The following SHC2 variants were observed in gnomAD, a reference collection of about 807,000 sequenced individuals.
SHC2 encodes SHC adaptor protein 2.
Under a neutral mutation model 60.6 loss-of-function variants are expected in SHC2, and 62 were observed. The ratio of observed to expected loss-of-function variants is 1.02; its 90% confidence interval spans 0.83 to 1.26. SHC2 has a LOEUF of 1.26. SHC2 is among the 50% of genes most tolerant of loss of function. The pLI, the probability that SHC2 is intolerant of heterozygous loss-of-function variation, is 0.00. For missense variants in SHC2, 873 were observed against 822.2 expected, an observed-to-expected ratio of 1.06 and a Z score of -0.76; for synonymous variants, 375 against 372.4, an observed-to-expected ratio of 1.01 and a Z score of -0.08.
chr19:449,697 G>A (rs533582833), intron 1 of SHC2, among the ~76,000 whole-genome samples: 1 of 152,100 alleles, frequency 6.6e-6, no homozygotes, highest in African/African-American at 2.4e-5. Flanking sequence ...GGAGGCGGAG[G>A]TTGCAATGAG....
intron 2 of SHC2, chr19:439,345 C>T (rs1315802325): frequency 4.5e-6 from 2 of 444,944 alleles, no homozygotes; most frequent in African/African-American, 4.0e-5. Context: ...CTACCACCCT[C>T]TTTCCCAGGG....
At chr19:458,220 G>C (rs1380950373) in intron 1 of SHC2, among the ~76,000 whole-genome samples, 1 of 118,136 alleles carries the variant, frequency 8.5e-6, no homozygotes. Flanking sequence ...GGAGGCAGAC[G>C]CGGGTTCCGG....
At chr19:456,452 C>T (rs1451797567) in intron 1 of SHC2, among the ~76,000 whole-genome samples, 1 of 152,172 alleles carries the variant, frequency 6.6e-6, no homozygotes, top group Non-Finnish European at 1.5e-5. Context: ...CCGTCCCTCG[C>T]AGCCTCCTCC....
rs1974861585 is a variant in SHC2 at position 441,291 on chromosome 19, TC to T, written c.469-360del. 1 of 397,542 alleles carries T rather than the reference TC, an allele frequency of 2.5e-6. No individual in the cohort carries two copies. Among genetic ancestry groups the T allele is most frequent in the African/African-American group, 2.2e-5 (1 of 44,984 alleles). 24.6% of individuals were successfully genotyped at this position (397,542 alleles called of 1,614,324 possible). A position where few individuals can be genotyped will look rare whatever the true frequency, so the allele number is the denominator to read the frequency against. ...TGGGGATGGTGCGATCCTGAGCACT[TC>T]CCTATCTCCAGCGCCCAGTTCAGGG... On this transcript the variant is annotated intron_variant, in intron 1 of 12. Transcript: ENST00000264554. This position sits in a 1 kb window ranked among gnomAD's most constrained non-coding sequence, Gnocchi z 4.9.
rs149282609 is a variant in SHC2 at position 420,941 on chromosome 19, T to G, written c.1620+1205A>C. 3.3e-3 allele frequency among the ~76,000 whole-genome samples: 506 copies of G among 151,978 alleles called. 12 individuals carry two copies. Among genetic ancestry groups the G allele is most frequent in the East Asian group, 0.023 (120 of 5,166 alleles). On this transcript the variant is annotated intron_variant, in intron 11 of 12. Coordinates refer to ENST00000264554, the MANE Select transcript of SHC2 (RefSeq NM_012435.3). ...GGTGGGCGCCTGTAGTCTCAGCTAC[T>G]CGGGAGGCTGAGGCAGGAGAATCGC...
intron 6 of SHC2, 44 bp downstream of exon 6, chr19:436,336 C>G: frequency 6.3e-7 from 1 of 1,591,068 alleles, no homozygotes; most frequent in Non-Finnish European, 8.6e-7. Context: ...CACGGCCGTG[C>G]CCCCCAGCCA....
intron 1 of SHC2, among the ~76,000 whole-genome samples, chr19:447,681 G>C (rs2145742375): frequency 6.6e-6 from 1 of 152,234 alleles, no homozygotes; most frequent in African/African-American, 2.4e-5. Context: ...GGGAGGCTGA[G>C]GCAGGAGAAT....
At chr19:418,186 C>T (rs1402257622) in intron 12 of SHC2, among the ~76,000 whole-genome samples, 1 of 152,180 alleles carries the variant, frequency 6.6e-6, no homozygotes, top group Non-Finnish European at 1.5e-5. Flanking sequence ...GTATGGTCTT[C>T]TCACTGCCTG....
chr19:425,102 T>C lies in SHC2; in HGVS notation c.1304A>G (p.Asp435Gly). ...PEDSPKKDLF[D>G]MRPFEDALKL... ...CCCCCCAGGCTGCCACATACGCATG[T>C]CAAACAGATCCTTTTTGGGGCTGTC... Residue 435 changes from aspartate (D) to glycine (G), a missense_variant, in exon 10 of 13, where the codon GAC (aspartate) becomes GGC (glycine). Asp to Gly is a moderately conservative substitution (Grantham distance 94). Transcript: ENST00000264554. This position sits in a 1 kb window ranked among gnomAD's most constrained non-coding sequence, Gnocchi z 4.1. 1 of 1,403,168 alleles carries C rather than the reference T, an allele frequency of 7.1e-7. No homozygotes were observed. Among genetic ancestry groups the C allele is most frequent in the South Asian group, 1.8e-5 (1 of 56,334 alleles). The allele number at this position is 1,403,168 out of a possible 1,614,324, so 86.9% of individuals were successfully genotyped here.
At chr19:428,324 G>A (rs1568283950) in intron 9 of SHC2, among the ~76,000 whole-genome samples, 1 of 152,226 alleles carries the variant, frequency 6.6e-6, no homozygotes, top group Non-Finnish European at 1.5e-5. Flanking sequence ...CCTGGGACGC[G>A]TTTGTTGAGT....
In SHC2 at chr19:440,416, A is replaced by G. The variant is rs537116407; in HGVS notation, c.539+446T>C. On this transcript the variant is annotated intron_variant, in intron 2 of 12. Transcript: ENST00000264554. The surrounding 1 kb of genome is among the most constrained non-coding windows in gnomAD (Gnocchi z 7.0). ...GAATGGAATCAACCAGTTTTCACAG[A>G]AAAAAAGGGTGTCGCTCTCTTCCCT... Among the ~76,000 whole-genome samples the G allele has an allele frequency of 6.6e-6, 1 of 152,194 alleles. No individual in the cohort carries two copies. Among genetic ancestry groups the G allele is most frequent in the African/African-American group, 2.4e-5 (1 of 41,526 alleles).
In SHC2 at chr19:460,506, C is replaced by CG. The variant is rs750611363; in HGVS notation, c.468+22dup. On this transcript the variant is annotated intron_variant, in intron 1 of 12. Transcript: ENST00000264554. ...GGGGAGGCCGCCGCGAACGGGCTCC[C>CG]GGGGGGGGTGGGGGGGACTCACCCG... 1.8e-3 allele frequency: 1,439 copies of CG among 791,724 alleles called. 8 individuals are homozygous for CG. The African/African-American group carries it at 0.038, about 21-fold the overall frequency. 49.0% of individuals were successfully genotyped at this position (791,724 alleles called of 1,614,324 possible).
rs1335494777 is a variant in SHC2 at position 425,907 on chromosome 19, C to T, written c.1175-676G>A. 6.6e-6 allele frequency among the ~76,000 whole-genome samples: 1 copy of T among 151,476 alleles called. No individual in the cohort carries two copies. Among genetic ancestry groups the T allele is most frequent in the African/African-American group, 2.4e-5 (1 of 41,182 alleles). On this transcript the variant is annotated intron_variant, in intron 9 of 12. Coordinates refer to ENST00000264554, the MANE Select transcript of SHC2 (RefSeq NM_012435.3). The surrounding 1 kb of genome is among the most constrained non-coding windows in gnomAD (Gnocchi z 4.1). ...AGCTAGGCGTGGTGGTGGGCGCCTG[C>T]AATCCCAGCTATTTGGGAGGCTGAG...
intron 11 of SHC2, among the ~76,000 whole-genome samples, chr19:421,210 A>G (rs1488780872): frequency 1.3e-5 from 2 of 151,776 alleles, no homozygotes; most frequent in Non-Finnish European, 2.9e-5. Flanking sequence ...CAGCCTGGCC[A>G]ATATAGTGAA....
rs575639290 is a variant in SHC2, at chr19:429,035, G to A, written c.1174+1649C>T. On this transcript the variant is annotated intron_variant, in intron 9 of 12. Coordinates refer to ENST00000264554, the MANE Select transcript of SHC2 (RefSeq NM_012435.3). The stretch of plus-strand genomic sequence containing the variant: ...ATGCAAAGAAACCTAATACCGTGTG[G>A]ATGACGCAGTACCTATATCCCAACA... 2.0e-5 allele frequency among the ~76,000 whole-genome samples: 3 copies of A among 151,356 alleles called. No homozygotes were observed. In the South Asian group the frequency reaches 6.3e-4, roughly 32 times the overall value.
Position 446,467 on chromosome 19 carries a change from C to A in SHC2, c.469-5535G>T, listed in dbSNP as rs565013655. On this transcript the variant is annotated intron_variant, in intron 1 of 12. Coordinates refer to ENST00000264554, the MANE Select transcript of SHC2 (RefSeq NM_012435.3). This position sits in a 1 kb window ranked among gnomAD's most constrained non-coding sequence, Gnocchi z 5.4. ...CTGGGATTACAGGCGCCCACTACCA[C>A]GCCCGGCTAATTTTTGTATTTTTAG... Among the ~76,000 whole-genome samples the A allele has an allele frequency of 2.0e-5, 3 of 152,050 alleles. No individual in the cohort carries two copies. The highest frequency in any genetic ancestry group is 6.6e-5 in the Admixed American group (1 of 15,244).
intron 1 of SHC2, among the ~76,000 whole-genome samples, chr19:452,135 TCTC>T (rs1975215787): frequency 6.6e-6 from 1 of 152,238 alleles, no homozygotes; most frequent in Non-Finnish European, 1.5e-5. Context: ...CCATTGCGTT[TCTC>T]CGTTTCACTG....
intron 1 of SHC2, among the ~76,000 whole-genome samples, chr19:458,674 G>T (rs1251373336): frequency 1.5e-5 from 2 of 130,614 alleles, no homozygotes; most frequent in Admixed American, 7.2e-5. Flanking sequence ...GTGGGTTCCG[G>T]GGGAGGGGGA....
rs1333790380 is a variant in SHC2 at position 436,166 on chromosome 19, T to C, written c.952A>G (p.Arg318Gly). ...SPPKVALPPE[R>G]LAGPEESAWG... ...CACGGGGGAGGCAGCTCTGGTTACCTTTCTGGGGGCAGCGCCACCTTGGGC... is the reference window on the plus strand; with the variant it reads ...CACGGGGGAGGCAGCTCTGGTTACCCTTCTGGGGGCAGCGCCACCTTGGGC... Residue 318 changes from arginine (R) to glycine (G), a missense_variant and splice_region_variant, in exon 7 of 13, where the codon AGG (arginine) becomes GGG (glycine). Transcript: ENST00000264554. 1.9e-6 allele frequency: 3 copies of C among 1,611,172 alleles called. No homozygotes were observed. The highest frequency in any genetic ancestry group is 1.3e-5 in the African/African-American group (1 of 74,904).
Sources: allele counts gnomAD v4.1 joint callset (sites outside exome capture counted in the v4.1 genomes callset), GRCh38; gene constraint gnomAD v4.1.1; non-coding constraint Gnocchi (gnomAD v3.1); transcripts MANE v1.5; gene names NCBI Gene and HGNC (gene_info 2026-07-23, HGNC 2026-07-21).